Variants in TSPAN18 observed in about 807,000 individuals in gnomAD.
TSPAN18 encodes the protein tetraspanin-18.
A neutral mutation model predicts 27.3 loss-of-function variants in TSPAN18; 14 were observed. The ratio of observed to expected loss-of-function variants is 0.51; its 90% CI spans 0.34 to 0.80. The LOEUF (loss-of-function observed/expected upper bound fraction) is 0.80, where lower values mean the gene tolerates loss of function less well. TSPAN18 is among the 30% of genes least tolerant of loss of function. The pLI is 0.01. For synonymous variants in TSPAN18, 143 were observed against 136.5 expected, an observed-to-expected ratio of 1.05 and a Z score of -0.33; for missense variants, 268 against 323.9, an observed-to-expected ratio of 0.83 and a Z score of 1.32.
At position 44,843,299 on chromosome 11, in the gene TSPAN18, C is replaced by G. The variant is rs191021414; in HGVS notation, c.-152-17029C>G. On this transcript the variant is annotated intron_variant, in intron 2 of 9. Transcript: ENST00000520358. ...GGAGACATCACATATTGGTGGGATCCGTGATGCCCCACAAGCCACAAAAAC... is the reference window on the plus strand; with the variant it reads ...GGAGACATCACATATTGGTGGGATCGGTGATGCCCCACAAGCCACAAAAAC... 7.1e-3 allele frequency among the ~76,000 whole-genome samples: 1,081 copies of G among 152,168 alleles called. 16 individuals carry two copies. Among genetic ancestry groups the G allele is most frequent in the African/African-American group, 0.024 (1,016 of 41,496 alleles).
Position 44,799,072 on chromosome 11 carries a change from G to A in TSPAN18, c.-153+34560G>A, listed in dbSNP as rs567143842. 3.1e-4 allele frequency among the ~76,000 whole-genome samples: 40 copies of A among 128,304 alleles called. 1 individual carries two copies. In the East Asian group the frequency reaches 6.8e-3, roughly 22 times the overall value. 84.2% of individuals were successfully genotyped at this position (128,304 alleles called of 152,430 possible). A position where few individuals can be genotyped will look rare whatever the true frequency, so the allele number is the denominator to read the frequency against. ...CCCCTCCTCACCCTTGCCCTCCCTTGTTTTTTGTTCCTCTGGGAGCTCCCC... is the reference window on the plus strand; with the variant it reads ...CCCCTCCTCACCCTTGCCCTCCCTTATTTTTTGTTCCTCTGGGAGCTCCCC... On this transcript the variant is annotated intron_variant, in intron 2 of 9. Coordinates refer to ENST00000520358, the MANE Select transcript of TSPAN18 (RefSeq NM_130783.5).
At chr11:44,822,641 C>T (rs985293359) in intron 2 of TSPAN18, among the ~76,000 whole-genome samples, 2 of 152,030 alleles carry the variant, frequency 1.3e-5, no homozygotes, top group Non-Finnish European at 2.9e-5. Context: ...TTCCCAGCCA[C>T]AGCCCTAAAG....
chr11:44,822,271 C>T (rs144099216), intron 2 of TSPAN18, among the ~76,000 whole-genome samples: 8 of 152,124 alleles, frequency 5.3e-5, no homozygotes, highest in African/African-American at 1.9e-4. Context: ...TAACTGAGAA[C>T]CAAAACTGCT....
At chr11:44,791,982 TA>T (rs541897503) in intron 2 of TSPAN18, among the ~76,000 whole-genome samples, 4 of 152,214 alleles carry the variant, frequency 2.6e-5, no homozygotes, top group African/African-American at 7.2e-5. Flanking sequence ...ATGTCCTGGA[TA>T]GGGGGGTGCA....
chr11:44,892,073 T>G (rs1858868973), intron 3 of TSPAN18, among the ~76,000 whole-genome samples: 1 of 152,098 alleles, frequency 6.6e-6, no homozygotes, highest in South Asian at 2.1e-4. Flanking sequence ...CCCAAGGCTG[T>G]GGGAGGCTGC....
intron 5 of TSPAN18, 96 bp from the exon 6 acceptor site, chr11:44,917,876 C>G: frequency 9.0e-7 from 1 of 1,105,574 alleles, no homozygotes; most frequent in Admixed American, 1.8e-5. Flanking sequence ...GAGTATACTG[C>G]GTCACTGGTG....
chr11:44,866,606 TA>T (rs1858043571), intron 3 of TSPAN18, among the ~76,000 whole-genome samples: 1 of 152,194 alleles, frequency 6.6e-6, no homozygotes, highest in Admixed American at 6.5e-5. Flanking sequence ...ATCACTCCAT[TA>T]AAGCCTGATC....
chr11:44,791,231 G>A (rs1856212076), intron 2 of TSPAN18, among the ~76,000 whole-genome samples: 1 of 152,190 alleles, frequency 6.6e-6, no homozygotes, highest in South Asian at 2.1e-4. Context: ...GTGGGAAAGT[G>A]CCCTGGACGT....
chr11:44,735,898 T>C (rs1216089147), intron 1 of TSPAN18, among the ~76,000 whole-genome samples: 1 of 152,148 alleles, frequency 6.6e-6, no homozygotes, highest in Non-Finnish European at 1.5e-5. Flanking sequence ...ATTACAGGCG[T>C]GAGCCACCAG....
chr11:44,926,754 C>T lies in TSPAN18; in HGVS notation c.696C>T (p.Ile232=), dbSNP rs749196732. 11 of 1,614,008 alleles carry T rather than the reference C, an allele frequency of 6.8e-6. No individual in the cohort carries two copies. The highest frequency in any genetic ancestry group is 5.3e-5 in the African/African-American group (4 of 74,924). The part of the protein sequence containing the change: ...AGALAIGVLA[I]ELFAMIFAMC... Reference sequence around the variant, plus strand: ...CCCTTGCCATCGGGGTACTGGCCATCGAGGTAAGTAAAGGCCCCCACTTCT... The same window carrying T: ...CCCTTGCCATCGGGGTACTGGCCATTGAGGTAAGTAAAGGCCCCCACTTCT... Residue 232 remains isoleucine, a synonymous_variant, in exon 9 of 10, where the codon ATC becomes ATT. Coordinates refer to ENST00000520358, the MANE Select transcript of TSPAN18 (RefSeq NM_130783.5).
intron 3 of TSPAN18, among the ~76,000 whole-genome samples, chr11:44,863,116 G>A (rs965389919): frequency 2.0e-5 from 3 of 152,210 alleles, no homozygotes; most frequent in Admixed American, 2.0e-4. Context: ...AGGAAGGCTT[G>A]GGGGTTCAGA....
intron 2 of TSPAN18, among the ~76,000 whole-genome samples, chr11:44,801,355 C>T (rs1016740210): frequency 1.3e-5 from 2 of 152,176 alleles, no homozygotes; most frequent in African/African-American, 2.4e-5. Flanking sequence ...GTTACTCTAA[C>T]GTGAGGTTCT....
At chr11:44,832,054 A>T (rs1236406432) in intron 2 of TSPAN18, among the ~76,000 whole-genome samples, 1 of 151,824 alleles carries the variant, frequency 6.6e-6, no homozygotes, top group Non-Finnish European at 1.5e-5. Flanking sequence ...GGAGACCATC[A>T]CTCCCCTAAC....
chr11:44,746,994 C>T (rs748613806), intron 1 of TSPAN18, among the ~76,000 whole-genome samples: 14 of 152,196 alleles, frequency 9.2e-5, no homozygotes, highest in East Asian at 1.9e-4. Context: ...GGGGCCCTGG[C>T]GGTTCCCTCC....
At chr11:44,737,066 G>A (rs1420690848) in intron 1 of TSPAN18, among the ~76,000 whole-genome samples, 2 of 152,222 alleles carry the variant, frequency 1.3e-5, no homozygotes, top group African/African-American at 4.8e-5. Flanking sequence ...AATGAATGAG[G>A]AAATGGATGA....
chr11:44,846,223 A>G (rs1425827997), intron 2 of TSPAN18, among the ~76,000 whole-genome samples: 2 of 152,242 alleles, frequency 1.3e-5, no homozygotes, highest in Non-Finnish European at 2.9e-5. Context: ...AGAGCCAGGA[A>G]GTGGCAGAAT....
At chr11:44,808,211 A>G (rs1484985764) in intron 2 of TSPAN18, among the ~76,000 whole-genome samples, 1 of 152,148 alleles carries the variant, frequency 6.6e-6, no homozygotes, top group Admixed American at 6.5e-5. Flanking sequence ...AGATGAAGGC[A>G]CTCAGGCTCA....
intron 5 of TSPAN18, among the ~76,000 whole-genome samples, chr11:44,912,753 A>G (rs1436727170): frequency 6.6e-6 from 1 of 152,056 alleles, no homozygotes; most frequent in African/African-American, 2.4e-5. Context: ...CTTTGTGCAT[A>G]TGTACACGTG....
At position 44,794,217 on chromosome 11, in the gene TSPAN18, C is replaced by T. The variant is rs141710783; in HGVS notation, c.-153+29705C>T. Among the ~76,000 whole-genome samples, 936 of 152,322 alleles carry T rather than the reference C, an allele frequency of 6.1e-3. 5 individuals are homozygous for T. The highest frequency in any genetic ancestry group is 0.027 in the Middle Eastern group (8 of 294). On this transcript the variant is annotated intron_variant, in intron 2 of 9. Transcript: ENST00000520358. ...AAGTTTTGTCTGAGAAACTGCAGCC[C>T]TCTAGCCTTTACCAGGTTCACCCCT...
Sources: allele counts gnomAD v4.1 joint callset (sites outside exome capture counted in the v4.1 genomes callset), GRCh38; gene constraint gnomAD v4.1.1; transcripts MANE v1.5; gene names NCBI Gene and HGNC (gene_info 2026-07-23, HGNC 2026-07-21).